The following SMG6 variants were observed in gnomAD, a reference collection of about 807,000 sequenced individuals.
SMG6 encodes SMG6 nonsense mediated mRNA decay factor, also known as telomerase-binding protein EST1A.
A neutral mutation model predicts 142.2 loss-of-function variants in SMG6; 66 were observed. The ratio of observed to expected loss-of-function variants is 0.46; its 90% CI spans 0.38 to 0.57. The LOEUF is 0.57. SMG6 is among the 20% of genes least tolerant of loss of function. The pLI is 0.00. For synonymous variants in SMG6, 779 were observed against 702.4 expected, an observed-to-expected ratio of 1.11 and a Z score of -1.72; for missense variants, 1,793 against 1,832.0, an observed-to-expected ratio of 0.98 and a Z score of 0.39.
At position 2,065,154 on chromosome 17, in the gene SMG6, C is replaced by T; in HGVS notation, c.4048G>A (p.Gly1350Ser). The T allele has an allele frequency of 6.2e-7, 1 of 1,612,806 alleles. No individual in the cohort carries two copies. The stretch of plus-strand genomic sequence containing the variant: ...GACAGGATGAGATCATCGTTGTTAC[C>T]CTGGAGGAAGACGTGTGTGAGAAGC... ...FRSEDITGQL[G>S]NNDDLILSCC... The change falls in exon 18 of 19, where the codon GGT (glycine) becomes AGT (serine). Residue 1350 changes from glycine to serine, a missense_variant and splice_region_variant. By Grantham distance (56) the Gly-to-Ser change is moderately conservative. This residue lies in a region of SMG6 where 179 missense variants were observed against 212.6 expected (regional missense o/e 0.84). Coordinates refer to ENST00000263073, the MANE Select transcript of SMG6 (RefSeq NM_017575.5).
chr17:2,230,606 C>T (rs962773525), intron 10 of SMG6, among the ~76,000 whole-genome samples: 1 of 152,138 alleles, frequency 6.6e-6, no homozygotes, highest in African/African-American at 2.4e-5. Context: ...GACCCTGGAA[C>T]CCAGAAGTGG....
chr17:2,180,523 C>T (rs146212382), intron 12 of SMG6, among the ~76,000 whole-genome samples: 2 of 152,338 alleles, frequency 1.3e-5, no homozygotes, highest in Non-Finnish European at 2.9e-5. Flanking sequence ...GCCCTCATCA[C>T]TCTGCAGTGC....
At chr17:2,148,460 C>T (rs572815659) in intron 13 of SMG6, among the ~76,000 whole-genome samples, 26 of 152,338 alleles carry the variant, frequency 1.7e-4, no homozygotes, top group Non-Finnish European at 2.9e-4. Context: ...CCACGTGCTA[C>T]GGCACGGATA....
chr17:2,300,303 T>G lies in SMG6; in HGVS notation c.450A>C (p.Arg150=). ...KPDLQIYQPG[R]RLQTVSKESA... is the part of the protein sequence containing the mutation. Reference sequence around the variant, plus strand: ...ATTCTTTGCTAACAGTCTGCAAACGTCGTCCAGGCTGATAGATCTGCAGGT... The same window carrying G: ...ATTCTTTGCTAACAGTCTGCAAACGGCGTCCAGGCTGATAGATCTGCAGGT... Residue 150 remains arginine (R), a synonymous_variant, in exon 2 of 19, where the codon CGA becomes CGC. Transcript: ENST00000263073. 6.2e-7 allele frequency: 1 copy of G among 1,614,106 alleles called. No homozygotes were observed. The highest frequency in any genetic ancestry group is 8.5e-7 in the Non-Finnish European group (1 of 1,180,036).
intron 13 of SMG6, among the ~76,000 whole-genome samples, chr17:2,119,913 C>T (rs1385633850): frequency 1.3e-5 from 2 of 152,194 alleles, no homozygotes; most frequent in African/African-American, 4.8e-5. Context: ...CCACCCGCCT[C>T]GGCCTCCCAA....
intron 10 of SMG6, among the ~76,000 whole-genome samples, chr17:2,221,383 G>A (rs1217221274): frequency 1.3e-5 from 2 of 152,106 alleles, no homozygotes; most frequent in African/African-American, 2.4e-5. Context: ...CATGGAAGAC[G>A]TGCCTCCTTC....
intron 8 of SMG6, among the ~76,000 whole-genome samples, chr17:2,277,473 G>A (rs554180051): frequency 2.6e-5 from 4 of 152,046 alleles, no homozygotes; most frequent in Admixed American, 6.6e-5. Flanking sequence ...CCATATTTAC[G>A]TATTTCTTAA....
chr17:2,159,564 A>G (rs1389695086), intron 13 of SMG6, among the ~76,000 whole-genome samples: 1 of 152,250 alleles, frequency 6.6e-6, no homozygotes, highest in African/African-American at 2.4e-5. Flanking sequence ...GAACGCTCAC[A>G]TATTGCTAGT....
chr17:2,269,612 A>G (rs1174901581), intron 8 of SMG6, among the ~76,000 whole-genome samples: 2 of 152,156 alleles, frequency 1.3e-5, no homozygotes, highest in Admixed American at 6.5e-5. Flanking sequence ...TTAAATGCAA[A>G]AAGAAAATAT....
chr17:2,263,981 G>A lies in SMG6; in HGVS notation c.2661+18666C>T, dbSNP rs143930032. Reference sequence around the variant, plus strand: ...CAGTCAGAAACAAAAACCAATATAGGAAGTTGGTGAGAAACGCAACACGGG... The same window carrying A: ...CAGTCAGAAACAAAAACCAATATAGAAAGTTGGTGAGAAACGCAACACGGG... On this transcript the variant is annotated intron_variant, in intron 8 of 18. Transcript: ENST00000263073. 3.9e-5 allele frequency among the ~76,000 whole-genome samples: 6 copies of A among 152,086 alleles called. No individual in the cohort carries two copies. The East Asian group carries it at 1.2e-3, about 29-fold the overall frequency.
intron 13 of SMG6, chr17:2,127,663 C>T: frequency 1.8e-6 from 1 of 567,966 alleles, no homozygotes; most frequent in South Asian, 1.4e-5. Flanking sequence ...TTCTTTTACT[C>T]TGCTCTTTTC....
At chr17:2,172,514 G>A (rs904730111) in intron 13 of SMG6, 144 bp downstream of exon 13, 20 of 794,376 alleles carry the variant, frequency 2.5e-5, no homozygotes, top group East Asian at 8.1e-5. Context: ...GGATGTCAGC[G>A]GCTAAAAGGT....
chr17:2,229,428 G>C (rs1453414176), intron 10 of SMG6: 1 of 152,212 alleles, frequency 6.6e-6, no homozygotes, highest in Admixed American at 6.5e-5. Flanking sequence ...GCACTGTCTA[G>C]CTGCCCAGAG....
chr17:2,166,379 C>T (rs1376531398), intron 13 of SMG6, among the ~76,000 whole-genome samples: 1 of 131,764 alleles, frequency 7.6e-6, no homozygotes, highest in Non-Finnish European at 1.6e-5. Context: ...GAGAATGTAG[C>T]ACGCAAATAG....
intron 8 of SMG6, among the ~76,000 whole-genome samples, chr17:2,282,345 A>G (rs144812077): frequency 2.0e-5 from 3 of 149,670 alleles, no homozygotes; most frequent in African/African-American, 7.4e-5. Flanking sequence ...AAAATCCCAC[A>G]TAGAATCCTA....
intron 12 of SMG6, among the ~76,000 whole-genome samples, chr17:2,180,777 C>T (rs2071782233): frequency 1.3e-5 from 2 of 152,304 alleles, no homozygotes; most frequent in Admixed American, 6.5e-5. Flanking sequence ...TCCCACATGT[C>T]AGAGGGACCA....
chr17:2,179,992 T>C (rs569589712), intron 12 of SMG6, among the ~76,000 whole-genome samples: 1 of 152,322 alleles, frequency 6.6e-6, no homozygotes, highest in South Asian at 2.1e-4. Context: ...TACTGAGAAC[T>C]AGAAATCAGG....
chr17:2,230,865 G>A (rs548934946), intron 10 of SMG6, among the ~76,000 whole-genome samples: 3 of 152,194 alleles, frequency 2.0e-5, no homozygotes, highest in African/African-American at 7.2e-5. Context: ...GCTCAGGCTG[G>A]CTCTGTTCAT....
chr17:2,161,537 C>T (rs11655779), intron 13 of SMG6, among the ~76,000 whole-genome samples: 10,167 of 151,952 alleles, frequency 0.067, 509 homozygotes, highest in Middle Eastern at 0.13. Context: ...TACTGTTCAT[C>T]TATAAGCAAT....
Sources: gnomAD v4.1 joint callset for allele counts (sites outside exome capture counted in the v4.1 genomes callset) on GRCh38, gnomAD v4.1.1 for gene constraint, gnomAD v4.1.1 regional missense constraint, MANE v1.5 for transcripts, NCBI Gene and HGNC (gene_info 2026-07-23, HGNC 2026-07-21) for gene names.